The following FANCD2 variants were observed in gnomAD, a reference collection of about 807,000 sequenced individuals.
FANCD2 encodes Fanconi anemia group D2 protein.
FANCD2 carries 131 observed loss-of-function variants against 192.3 expected under a neutral mutation model. The observed-to-expected ratio is 0.68, with a 90% CI of 0.59 to 0.79. The LOEUF (loss-of-function observed/expected upper bound fraction) is 0.79. Among genes scored for constraint, FANCD2 ranks in the 30% least tolerant of loss-of-function variants. FANCD2 has a pLI of 0.00. For missense variants in FANCD2, 1,508 were observed against 1,701.6 expected (o/e 0.89, Z 2.00); for synonymous variants, 524 against 612.5 (o/e 0.86, Z 2.13).
intron 43 of FANCD2, chr3:10,099,374 G>A (rs1265966884): frequency 8.7e-7 from 1 of 1,145,158 alleles, no homozygotes; most frequent in Non-Finnish European, 1.1e-6. Context: ...TGTAATCCTA[G>A]CACTTTTTGA....
rs951381203 is a variant in FANCD2 at position 10,074,559 on chromosome 3, A to G, written c.2745A>G (p.Ser915=). The change falls in exon 29 of 44, where the codon TCA becomes TCG. Residue 915 remains serine, a synonymous_variant. Transcript: ENST00000675286. Reference sequence around the variant, plus strand: ...TCACAGGGAAGGAAGAAAAGACATCATTGTTACTACATAATTCCCATGCTT... The same window carrying G: ...TCACAGGGAAGGAAGAAAAGACATCGTTGTTACTACATAATTCCCATGCTT... ...KEFTGKEEKT[S]LLLHNSHAFF... The G allele has an allele frequency of 2.5e-6, 4 of 1,613,720 alleles. No homozygotes were observed. Among genetic ancestry groups the G allele is most frequent in the Admixed American group, 3.3e-5 (2 of 59,998 alleles).
intron 18 of FANCD2, chr3:10,058,342 A>C (rs1297961414): frequency 6.5e-6 from 1 of 154,140 alleles, no homozygotes; most frequent in African/African-American, 2.4e-5. Context: ...CCAAAGCTGT[A>C]CGACCCACTC....
intron 25 of FANCD2, among the ~76,000 whole-genome samples, chr3:10,066,953 G>A (rs1022808174): frequency 1.3e-5 from 2 of 152,044 alleles, no homozygotes; most frequent in African/African-American, 4.8e-5. Context: ...TCAAACTCCT[G>A]GCCTCAAGTG....
At chr3:10,093,200 A>C in intron 38 of FANCD2, 85 bp from the exon 39 acceptor site, 1 of 980,588 alleles carries the variant, frequency 1.0e-6, no homozygotes, top group Non-Finnish European at 1.7e-6. Context: ...CAGCACCCAA[A>C]GCTGTGCTTT....
At chr3:10,076,598 A>G (rs963972101) in intron 29 of FANCD2, among the ~76,000 whole-genome samples, 1 of 152,138 alleles carries the variant, frequency 6.6e-6, no homozygotes, top group Non-Finnish European at 1.5e-5. Context: ...GCTGAAGTGC[A>G]GTGGCAAGAT....
chr3:10,045,101 T>TTTTTTTTTTTTTTTC (rs397948524), intron 14 of FANCD2, among the ~76,000 whole-genome samples: 1,785 of 148,540 alleles, frequency 0.012, 90 homozygotes, highest in African/African-American at 0.044. Context: ...TTTTTTTTTT[T>TTTTTTTTTTTTTTTC]CCTGGAAGCA....
chr3:10,075,888 G>T (rs1198850216), intron 29 of FANCD2, among the ~76,000 whole-genome samples: 1 of 151,762 alleles, frequency 6.6e-6, no homozygotes, highest in African/African-American at 2.4e-5. Flanking sequence ...CTGCCACCAT[G>T]CCTGGCTAAT....
intron 41 of FANCD2, chr3:10,095,485 C>A (rs1559408958): frequency 2.0e-5 from 12 of 598,190 alleles, no homozygotes; most frequent in South Asian, 1.8e-4. Flanking sequence ...GATTCAAACT[C>A]CAAAGCTCTT....
rs6804967 is a variant in FANCD2, at chr3:10,062,350, C to T, written c.1827+139C>T. 0.18 allele frequency: 119,397 copies of T among 676,418 alleles called. 12,797 individuals carry two copies. Among genetic ancestry groups the T allele is most frequent in the African/African-American group, 0.41 (22,350 of 54,012 alleles). 41.9% of individuals were successfully genotyped at this position (676,418 alleles called of 1,614,324 possible). A position where few individuals can be genotyped will look rare whatever the true frequency, so the allele number is the denominator to read the frequency against. ...CCACCTCTCAGGTTCAAGTGATTCTCCTGCCTCAGCCTCCAGAGTAGCTGG... is the reference window on the plus strand; with the variant it reads ...CCACCTCTCAGGTTCAAGTGATTCTTCTGCCTCAGCCTCCAGAGTAGCTGG... On this transcript the variant is annotated intron_variant, in intron 20 of 43. Coordinates refer to ENST00000675286, the MANE Select transcript of FANCD2 (RefSeq NM_001018115.3).
At chr3:10,100,884 A>T (rs527411764) in intron 43 of FANCD2, among the ~76,000 whole-genome samples, 47 of 152,048 alleles carry the variant, frequency 3.1e-4, no homozygotes, top group African/African-American at 1.1e-3. Context: ...AGCCTTGCCA[A>T]TGTGGAGAAA....
chr3:10,063,671 A>G, intron 20 of FANCD2, 121 bp from the exon 21 acceptor site: 3 of 1,310,822 alleles, frequency 2.3e-6, no homozygotes, highest in South Asian at 1.2e-5. Context: ...GAAAACTTCA[A>G]GTGAGACATA....
Position 10,094,280 on chromosome 3 carries a change from C to T in FANCD2, c.3889-9C>T. The T allele has an allele frequency of 1.2e-6, 2 of 1,612,756 alleles. No individual in the cohort carries two copies. The highest frequency in any genetic ancestry group is 1.1e-5 in the South Asian group (1 of 91,050). On this transcript the variant is annotated splice_polypyrimidine_tract_variant and intron_variant, in intron 39 of 43. Coordinates refer to ENST00000675286, the MANE Select transcript of FANCD2 (RefSeq NM_001018115.3). ...CAGCTAGAGGTAACAGTGTGTCTCT[C>T]TTCTTCAGTATGGGCGTCTCTTTGT...
chr3:10,028,531 G>A, intron 1 of FANCD2, 94 bp from the exon 2 acceptor site: 1 of 812,680 alleles, frequency 1.2e-6, no homozygotes, highest in Non-Finnish European at 2.1e-6. Context: ...GAGCCCCTCT[G>A]ATTTTGGATA....
At position 10,052,583 on chromosome 3, in the gene FANCD2, A is replaced by G; in HGVS notation, c.1656+86A>G. ...CCTAGACTGGAGTGCAGTTGGCACG[A>G]TCTCAGCTCATTGCAACCTCTGCCT... On this transcript the variant is annotated intron_variant, in intron 18 of 43. Coordinates refer to ENST00000675286, the MANE Select transcript of FANCD2 (RefSeq NM_001018115.3). The G allele has an allele frequency of 5.7e-6, 5 of 876,082 alleles. No homozygotes were observed. In the South Asian group the frequency reaches 6.8e-5, roughly 12 times the overall value. The allele number at this position is 876,082 out of a possible 1,614,324, so 54.3% of individuals were successfully genotyped here. A position where few individuals can be genotyped will look rare whatever the true frequency, so the allele number is the denominator to read the frequency against.
chr3:10,033,083 A>G, intron 3 of FANCD2, 111 bp downstream of exon 3: 3 of 954,888 alleles, frequency 3.1e-6, no homozygotes, highest in Non-Finnish European at 4.9e-6. Context: ...AGGGCCATCC[A>G]TCTTGAGACA....
intron 32 of FANCD2, among the ~76,000 whole-genome samples, chr3:10,083,199 C>T (rs1315351032): frequency 8.6e-5 from 13 of 151,918 alleles, no homozygotes; most frequent in Non-Finnish European, 1.5e-5. Flanking sequence ...TGCACTCCAA[C>T]CTGGGCAACA....
chr3:10,039,319 A>T lies in FANCD2; in HGVS notation c.532A>T (p.Ser178Cys), dbSNP rs754937371. The T allele has an allele frequency of 3.0e-5, 49 of 1,613,898 alleles. No homozygotes were observed. The highest frequency in any genetic ancestry group is 4.2e-5 in the Non-Finnish European group (49 of 1,179,890). ...DEINIPRLIVSQLKWLDRVVD... is the reference protein window; with the variant it reads ...DEINIPRLIVCQLKWLDRVVD... ...AATCAACATACCTCGACTCATTGTC[A>T]GTCAACTAAAATGGCTTGACAGAGT... The change falls in exon 8 of 44, where the codon AGT becomes TGT. Residue 178 changes from serine (S) to cysteine (C), a missense_variant. Coordinates refer to ENST00000675286, the MANE Select transcript of FANCD2 (RefSeq NM_001018115.3).
chr3:10,034,402 C>T, intron 3 of FANCD2, 67 bp from the exon 4 acceptor site: 1 of 986,098 alleles, frequency 1.0e-6, no homozygotes, highest in Non-Finnish European at 1.6e-6. Flanking sequence ...AGGCAAGAAA[C>T]TTGGGTTTTT....
At chr3:10,073,072 G>C in intron 27 of FANCD2, 91 bp downstream of exon 27, 1 of 873,602 alleles carries the variant, frequency 1.1e-6, no homozygotes, top group Non-Finnish European at 1.9e-6. Flanking sequence ...ATCAGTAATT[G>C]GAACAATTGT....
Sources: allele counts gnomAD v4.1 joint callset (sites outside exome capture counted in the v4.1 genomes callset), GRCh38; gene constraint gnomAD v4.1.1; transcripts MANE v1.5; gene names NCBI Gene and HGNC (gene_info 2026-07-23, HGNC 2026-07-21).